The following CUX2 variants were observed in gnomAD, a reference collection of about 807,000 sequenced individuals.
CUX2 encodes the protein cut like homeobox 2.
Under a neutral mutation model 144.8 loss-of-function variants are expected in CUX2, and 40 were observed. The observed-to-expected ratio is 0.28, with a 90% confidence interval of 0.21 to 0.36. The LOEUF (loss-of-function observed/expected upper bound fraction) is 0.36, where lower values mean the gene tolerates loss of function less well. CUX2 is among the 10% of genes least tolerant of loss of function. The probability of loss-of-function intolerance (pLI) is 1.00; values close to 1 mark genes in which losing one functional copy is unlikely to be tolerated. For synonymous variants in CUX2, 827 were observed against 875.6 expected (o/e 0.94, Z 0.98); for missense variants, 1,615 against 1,994.0 (o/e 0.81, Z 3.62).
intron 1 of CUX2, among the ~76,000 whole-genome samples, chr12:111,058,549 CAGAGAGAG>C (rs141718995): frequency 1.3e-5 from 2 of 148,764 alleles, no homozygotes; most frequent in African/African-American, 2.5e-5. Flanking sequence ...GAGAGAGAGA[CAGAGAGAG>C]AGAGAGAGAG....
At chr12:111,346,164 G>A (rs918263363) in intron 21 of CUX2, among the ~76,000 whole-genome samples, 2 of 144,174 alleles carry the variant, frequency 1.4e-5, no homozygotes, top group Non-Finnish European at 1.5e-5. Context: ...AATTACTTTT[G>A]CACCAACCTA....
chr12:111,311,201 C>T (rs1592950990), intron 15 of CUX2, among the ~76,000 whole-genome samples: 1 of 152,194 alleles, frequency 6.6e-6, no homozygotes, highest in South Asian at 2.1e-4. Context: ...GAGGATTAAA[C>T]GGGCATCAAG....
chr12:111,261,663 G>A (rs1053436557), intron 3 of CUX2, among the ~76,000 whole-genome samples: 3 of 152,172 alleles, frequency 2.0e-5, no homozygotes, highest in African/African-American at 7.2e-5. Flanking sequence ...CACTGTGGGA[G>A]GCCGAGGTGG....
At chr12:111,069,342 A>G (rs1051149048) in intron 1 of CUX2, among the ~76,000 whole-genome samples, 2 of 152,032 alleles carry the variant, frequency 1.3e-5, no homozygotes, top group Non-Finnish European at 2.9e-5. Context: ...ACAGCTCTGA[A>G]GGGCAGTATT....
chr12:111,345,000 C>T (rs566132192), intron 21 of CUX2, among the ~76,000 whole-genome samples: 2 of 152,176 alleles, frequency 1.3e-5, no homozygotes, highest in Non-Finnish European at 2.9e-5. Context: ...AACTCCTGAC[C>T]TCAAGTGATC....
chr12:111,239,754 TG>T (rs148056667), intron 3 of CUX2, among the ~76,000 whole-genome samples: 3 of 151,420 alleles, frequency 2.0e-5, no homozygotes, highest in African/African-American at 7.3e-5. Flanking sequence ...ATGAGTGGGG[TG>T]GGGGAATGGC....
intron 3 of CUX2, among the ~76,000 whole-genome samples, chr12:111,227,993 G>A (rs541070209): frequency 3.9e-5 from 6 of 152,252 alleles, no homozygotes; most frequent in East Asian, 3.9e-4. Flanking sequence ...ATCACGTTAC[G>A]GTTGAGTTTC....
intron 1 of CUX2, among the ~76,000 whole-genome samples, chr12:111,159,515 G>C (rs1335138071): frequency 6.6e-6 from 1 of 151,972 alleles, no homozygotes; most frequent in Non-Finnish European, 1.5e-5. Context: ...GAACATTTTT[G>C]GGTAGCTCAT....
At chr12:111,137,752 C>T (rs1876004069) in intron 1 of CUX2, among the ~76,000 whole-genome samples, 2 of 152,060 alleles carry the variant, frequency 1.3e-5, no homozygotes, top group Admixed American at 6.5e-5. Context: ...TGGCCCCAAG[C>T]GATCCTCTTA....
intron 4 of CUX2, among the ~76,000 whole-genome samples, chr12:111,272,817 A>G (rs2136303320): frequency 6.6e-6 from 1 of 152,258 alleles, no homozygotes; most frequent in Middle Eastern, 3.4e-3. Flanking sequence ...ACCTCTGCCC[A>G]TGCCGTTTCC....
At chr12:111,135,763 A>C (rs1412328813) in intron 1 of CUX2, among the ~76,000 whole-genome samples, 1 of 152,252 alleles carries the variant, frequency 6.6e-6, no homozygotes, top group Admixed American at 6.5e-5. Flanking sequence ...CATTTATGCA[A>C]AATGTCCAGA....
intron 3 of CUX2, among the ~76,000 whole-genome samples, chr12:111,262,076 A>G (rs369956033): frequency 1.3e-5 from 2 of 152,128 alleles, no homozygotes; most frequent in Middle Eastern, 3.4e-3. Flanking sequence ...CCTCCCCCCA[A>G]TTTACACACT....
At chr12:111,050,507 A>G (rs1226127772) in intron 1 of CUX2, among the ~76,000 whole-genome samples, 1 of 152,014 alleles carries the variant, frequency 6.6e-6, no homozygotes, top group African/African-American at 2.4e-5. Context: ...TTCAAAACCT[A>G]ATTTTCTCTC....
chr12:111,136,462 C>G (rs1361588896), intron 1 of CUX2, among the ~76,000 whole-genome samples: 2 of 152,112 alleles, frequency 1.3e-5, no homozygotes, highest in African/African-American at 2.4e-5. Flanking sequence ...GGGGCAAGGC[C>G]TCTTGACAGG....
rs115574482 is a variant in CUX2 at position 111,071,246 on chromosome 12, A to G, written c.63+37006A>G. On this transcript the variant is annotated intron_variant, in intron 1 of 21. Transcript: ENST00000261726. ...CATTTTGCCTTCCCACCAGCAATGA[A>G]TGCGTGTTCCTGTTGCTCCACATCT... 5.9e-3 allele frequency among the ~76,000 whole-genome samples: 894 copies of G among 152,276 alleles called. 10 individuals are homozygous for G. Among genetic ancestry groups the G allele is most frequent in the African/African-American group, 0.02 (842 of 41,562 alleles).
At chr12:111,217,784 C>T in intron 2 of CUX2, 106 bp from the exon 3 acceptor site, 1 of 1,188,848 alleles carries the variant, frequency 8.4e-7, no homozygotes, top group Admixed American at 1.7e-5. Flanking sequence ...CCCCACGGGA[C>T]ATGCTTGGGA....
chr12:111,348,578 A>C lies in CUX2; in HGVS notation c.*253A>C. On this transcript the variant is annotated 3_prime_UTR_variant, in exon 22 of 22. Coordinates refer to ENST00000261726, the MANE Select transcript of CUX2 (RefSeq NM_015267.4). The stretch of plus-strand genomic sequence containing the variant: ...CCCTGACCCCTCTGCAGGAGGCAGA[A>C]GCAAAATGGCACCACATATTCACCT... The C allele has an allele frequency of 2.3e-6, 1 of 431,684 alleles. No individual in the cohort carries two copies. Among genetic ancestry groups the C allele is most frequent in the East Asian group, 3.6e-5 (1 of 27,778 alleles). 26.7% of individuals were successfully genotyped at this position (431,684 alleles called of 1,614,324 possible).
intron 1 of CUX2, among the ~76,000 whole-genome samples, chr12:111,111,960 G>A (rs1277253247): frequency 6.6e-6 from 1 of 152,180 alleles, no homozygotes; most frequent in Non-Finnish European, 1.5e-5. Flanking sequence ...CCACAGACAT[G>A]TTTCTCAGGA....
At chr12:111,063,513 A>G (rs1365988614) in intron 1 of CUX2, among the ~76,000 whole-genome samples, 3 of 152,238 alleles carry the variant, frequency 2.0e-5, no homozygotes, top group African/African-American at 2.4e-5. Flanking sequence ...AGGCGGCACC[A>G]TCGCCTCCCA....
Sources: allele counts gnomAD v4.1 joint callset (sites outside exome capture counted in the v4.1 genomes callset), GRCh38; gene constraint gnomAD v4.1.1; transcripts MANE v1.5; gene names NCBI Gene and HGNC (gene_info 2026-07-23, HGNC 2026-07-21).